The following RAB8B variants were observed in gnomAD, a reference collection of about 807,000 sequenced individuals.
RAB8B encodes the protein RAB8B, member RAS oncogene family, also known as ras-related protein Rab-8B.
In RAB8B, 11 loss-of-function variants were observed where a neutral mutation model predicts 32.0. The observed-to-expected ratio is 0.34, with a 90% CI of 0.22 to 0.57. RAB8B has a LOEUF of 0.57. Ranked by LOEUF, RAB8B falls within the 20% of genes least tolerant of loss-of-function variation. The pLI, the probability that RAB8B is intolerant of heterozygous loss-of-function variation, is 0.86. For missense variants in RAB8B, 190 were observed against 258.5 expected (o/e 0.73, Z 1.82); for synonymous variants, 103 against 89.6 (o/e 1.15, Z -0.85).
At chr15:63,241,115 G>C (rs2038028547) in intron 1 of RAB8B, among the ~76,000 whole-genome samples, 1 of 152,222 alleles carries the variant, frequency 6.6e-6, no homozygotes. Context: ...GGCTAAGGCA[G>C]GTGGATCACA....
chr15:63,242,765 A>G (rs755345299), intron 1 of RAB8B, among the ~76,000 whole-genome samples: 2 of 151,946 alleles, frequency 1.3e-5, no homozygotes, highest in Non-Finnish European at 2.9e-5. Context: ...TTTCTTGGAA[A>G]CCACTTTAAG....
At position 63,193,355 on chromosome 15, in the gene RAB8B, ATCT is replaced by A. The variant is rs1329705764; in HGVS notation, c.124+3611_124+3613del. The stretch of plus-strand genomic sequence containing the variant: ...TTTTCTTGTATCTGACTTTTTGAAG[ATCT>A]TCTAGTATATCTGTCAATAGTTTAG... On this transcript the variant is annotated intron_variant, in intron 1 of 7. Transcript: ENST00000321437. Among the ~76,000 whole-genome samples, 6 of 152,236 alleles carry A rather than the reference ATCT, an allele frequency of 3.9e-5. No homozygotes were observed. In the East Asian group the frequency reaches 1.2e-3, roughly 29 times the overall value.
chr15:63,258,394 C>T (rs2038175759), intron 5 of RAB8B, among the ~76,000 whole-genome samples: 1 of 152,182 alleles, frequency 6.6e-6, no homozygotes, highest in African/African-American at 2.4e-5. Context: ...TGAGCCACCA[C>T]ACCCGGCCTA....
At chr15:63,237,562 T>A (rs1218815426) in intron 1 of RAB8B, among the ~76,000 whole-genome samples, 12 of 152,230 alleles carry the variant, frequency 7.9e-5, no homozygotes. Flanking sequence ...GGTCTTCTGC[T>A]CATTTTAAAA....
chr15:63,254,376 T>C (rs2038143034), intron 3 of RAB8B, among the ~76,000 whole-genome samples: 1 of 152,072 alleles, frequency 6.6e-6, no homozygotes, highest in African/African-American at 2.4e-5. Flanking sequence ...TGTATAGATA[T>C]TGGTTTATTG....
At chr15:63,231,491 G>A (rs956460542) in intron 1 of RAB8B, among the ~76,000 whole-genome samples, 23 of 23,674 alleles carry the variant, frequency 9.7e-4, no homozygotes, top group Non-Finnish European at 1.5e-3. Context: ...AGGGATTTGC[G>A]TGTTTTTTGT....
At position 63,259,721 on chromosome 15, in the gene RAB8B, C is replaced by T. The variant is rs373860705; in HGVS notation, c.480+29C>T. ...AGAAGGAAACGTTTGGTGACTGTTA[C>T]GGAGCAGCACCAGTGCTTAGGGGCC... On this transcript the variant is annotated intron_variant, in intron 6 of 7. Coordinates refer to ENST00000321437, the MANE Select transcript of RAB8B (RefSeq NM_016530.3). The surrounding 1 kb of genome is among the most constrained non-coding windows in gnomAD (Gnocchi z 4.4). 219 of 1,591,056 alleles carry T rather than the reference C, an allele frequency of 1.4e-4. No homozygotes were observed. Among genetic ancestry groups the T allele is most frequent in the Non-Finnish European group, 1.7e-4 (193 of 1,159,336 alleles).
chr15:63,214,286 CTTTT>C (rs34415858), intron 1 of RAB8B, among the ~76,000 whole-genome samples: 2 of 95,644 alleles, frequency 2.1e-5, no homozygotes, highest in Non-Finnish European at 2.1e-5. Context: ...CAGTTTCTTT[CTTTT>C]TTTTTTTTTT....
At chr15:63,209,445 G>A (rs931294698) in intron 1 of RAB8B, among the ~76,000 whole-genome samples, 8 of 151,910 alleles carry the variant, frequency 5.3e-5, no homozygotes, top group Non-Finnish European at 1.2e-4. Flanking sequence ...ACAAAAATTA[G>A]CCAAGCGTAG....
Position 63,219,003 on chromosome 15 carries a change from G to GTTTTTTTTT in RAB8B, c.125-25753_125-25752insTTTTTTTTT, listed in dbSNP as rs1567012548. 1.2e-4 allele frequency among the ~76,000 whole-genome samples: 6 copies of GTTTTTTTTT among 48,812 alleles called. 1 individual carries two copies. The highest frequency in any genetic ancestry group is 2.6e-4 in the African/African-American group (5 of 19,502). The allele number at this position is 48,812 out of a possible 152,430, so 32.0% of individuals were successfully genotyped here. On this transcript the variant is annotated intron_variant, in intron 1 of 7. Transcript: ENST00000321437. ...AAAATGATCTTTTCTTCCAGCAGTG[G>GTTTTTTTTT]ATTTTTTTTTTTTTTTTTTTTTTTT... is the stretch of plus-strand genomic sequence containing the variant.
chr15:63,236,939 A>G (rs950535229), intron 1 of RAB8B, among the ~76,000 whole-genome samples: 22 of 152,048 alleles, frequency 1.4e-4, no homozygotes, highest in Middle Eastern at 3.4e-3. Flanking sequence ...TCTACTCTCT[A>G]TCTCCATGAA....
intron 1 of RAB8B, among the ~76,000 whole-genome samples, chr15:63,211,743 C>T (rs2037748846): frequency 6.6e-6 from 1 of 152,100 alleles, no homozygotes; most frequent in Admixed American, 6.5e-5. Context: ...AGTGACTGGT[C>T]ATGATAGATA....
chr15:63,217,283 T>C (rs2037800988), intron 1 of RAB8B, among the ~76,000 whole-genome samples: 1 of 152,228 alleles, frequency 6.6e-6, no homozygotes, highest in African/African-American at 2.4e-5. Flanking sequence ...ACTTTCTTTT[T>C]GTGTAAAAGA....
intron 1 of RAB8B, among the ~76,000 whole-genome samples, chr15:63,243,818 T>G (rs927361045): frequency 6.6e-6 from 1 of 152,152 alleles, no homozygotes; most frequent in Non-Finnish European, 1.5e-5. Context: ...GAAATTTATT[T>G]AGCTCATGGT....
At chr15:63,234,191 G>T (rs1315297394) in intron 1 of RAB8B, among the ~76,000 whole-genome samples, 1 of 152,096 alleles carries the variant, frequency 6.6e-6, no homozygotes, top group African/African-American at 2.4e-5. Context: ...CGGCCAAAAT[G>T]CATCAAGTCA....
At chr15:63,223,623 C>T (rs2037863926) in intron 1 of RAB8B, among the ~76,000 whole-genome samples, 1 of 152,074 alleles carries the variant, frequency 6.6e-6, no homozygotes, top group Non-Finnish European at 1.5e-5. Context: ...AAGACGAAAC[C>T]ACCTAAAAAT....
At chr15:63,252,440 G>T (rs1013731750) in intron 3 of RAB8B, among the ~76,000 whole-genome samples, 2 of 152,156 alleles carry the variant, frequency 1.3e-5, no homozygotes. Flanking sequence ...ATGTGGTGGA[G>T]CCTAAGTTAG....
At chr15:63,244,934 G>C (rs920710337) in intron 2 of RAB8B, 118 bp downstream of exon 2, 16 of 832,588 alleles carry the variant, frequency 1.9e-5, no homozygotes, top group Non-Finnish European at 3.0e-5. Context: ...TTCTTTATCG[G>C]AACCAAGGGG....
intron 1 of RAB8B, among the ~76,000 whole-genome samples, chr15:63,226,572 T>C (rs1445052457): frequency 6.6e-6 from 1 of 152,222 alleles, no homozygotes; most frequent in Non-Finnish European, 1.5e-5. Flanking sequence ...ATCTGCCGTC[T>C]ATGGTTGTGA....
Sources: gnomAD v4.1 joint callset for allele counts (sites outside exome capture counted in the v4.1 genomes callset) on GRCh38, gnomAD v4.1.1 for gene constraint, Gnocchi (gnomAD v3.1) non-coding constraint, MANE v1.5 for transcripts, NCBI Gene and HGNC (gene_info 2026-07-23, HGNC 2026-07-21) for gene names.